ASIC2: variants seen among roughly 807,000 people sequenced by gnomAD.
ASIC2 encodes the protein acid sensing ion channel subunit 2.
In ASIC2, 25 loss-of-function variants were observed where a neutral mutation model predicts 57.3. The ratio of observed to expected loss-of-function variants is 0.44; its 90% CI spans 0.32 to 0.61. The LOEUF (loss-of-function observed/expected upper bound fraction) is 0.61. ASIC2 is among the 20% of genes least tolerant of loss of function. The pLI is 0.06. For missense variants in ASIC2, 641 were observed against 738.1 expected (o/e 0.87, Z 1.52); for synonymous variants, 319 against 307.5 (o/e 1.04, Z -0.39).
At chr17:33,786,365 C>T (rs564657474) in intron 1 of ASIC2, among the ~76,000 whole-genome samples, 5 of 151,830 alleles carry the variant, frequency 3.3e-5, no homozygotes, top group South Asian at 2.1e-4. Context: ...AAGTACAAGT[C>T]GAGATTCCCA....
intron 1 of ASIC2, among the ~76,000 whole-genome samples, chr17:33,198,987 C>T (rs1906750339): frequency 6.6e-6 from 1 of 152,164 alleles, no homozygotes; most frequent in Non-Finnish European, 1.5e-5. Context: ...ATTAAACAGC[C>T]TTCTGTAGTT....
chr17:33,999,731 G>A (rs180754863), intron 1 of ASIC2, among the ~76,000 whole-genome samples: 1 of 152,076 alleles, frequency 6.6e-6, no homozygotes, highest in East Asian at 1.9e-4. Flanking sequence ...ATAAATTGTT[G>A]TAGCTATAGT....
At chr17:33,190,748 T>C (rs1028191178) in intron 1 of ASIC2, among the ~76,000 whole-genome samples, 1 of 152,074 alleles carries the variant, frequency 6.6e-6, no homozygotes, top group Non-Finnish European at 1.5e-5. Flanking sequence ...ATTAAGGAAA[T>C]GCAAATTAAA....
chr17:33,902,022 C>T (rs917598364), intron 1 of ASIC2, among the ~76,000 whole-genome samples: 2 of 152,196 alleles, frequency 1.3e-5, no homozygotes, highest in Non-Finnish European at 1.5e-5. Flanking sequence ...AATGACATGT[C>T]CCAGACTCTC....
chr17:33,525,097 A>C (rs1438779730), intron 1 of ASIC2, among the ~76,000 whole-genome samples: 4 of 151,974 alleles, frequency 2.6e-5, no homozygotes, highest in African/African-American at 9.7e-5. Flanking sequence ...CTGTGCTCTT[A>C]TTCTTGACGT....
At chr17:33,309,127 C>CT (rs1906300333) in intron 1 of ASIC2, among the ~76,000 whole-genome samples, 1 of 152,038 alleles carries the variant, frequency 6.6e-6, no homozygotes, top group Non-Finnish European at 1.5e-5. Context: ...TTTCTCAGAT[C>CT]TTTTTTCTGC....
At chr17:33,536,318 A>G (rs1915228376) in intron 1 of ASIC2, among the ~76,000 whole-genome samples, 1 of 152,214 alleles carries the variant, frequency 6.6e-6, no homozygotes, top group African/African-American at 2.4e-5. Flanking sequence ...CTCTACCTCA[A>G]AAATAAATTC....
At chr17:33,087,660 C>T (rs1003250954) in intron 3 of ASIC2, among the ~76,000 whole-genome samples, 1 of 144,492 alleles carries the variant, frequency 6.9e-6, no homozygotes, top group Non-Finnish European at 1.5e-5. Context: ...TCAGTCAGCT[C>T]AAGTGATCCT....
rs116268352 is a variant in ASIC2 at position 33,578,746 on chromosome 17, T to C, written c.556-466679A>G. On this transcript the variant is annotated intron_variant, in intron 1 of 9. Coordinates refer to the ASIC2 transcript ENST00000359872. ...TGACAGAGGGGGCACTAATGGCTTTTCAATACAGCCCCACCTGGAAGGTGC... is the reference window on the plus strand; with the variant it reads ...TGACAGAGGGGGCACTAATGGCTTTCCAATACAGCCCCACCTGGAAGGTGC... Among the ~76,000 whole-genome samples the C allele has an allele frequency of 6.6e-3, 1,011 of 152,288 alleles. 10 individuals are homozygous for C. Among genetic ancestry groups the C allele is most frequent in the African/African-American group, 0.023 (974 of 41,546 alleles).
chr17:33,242,759 C>T (rs899169894), intron 1 of ASIC2, among the ~76,000 whole-genome samples: 2 of 152,322 alleles, frequency 1.3e-5, no homozygotes, highest in African/African-American at 2.4e-5. Context: ...CTTCTCAGTC[C>T]TCCTTACACT....
chr17:33,456,449 C>A (rs745623595), intron 1 of ASIC2, among the ~76,000 whole-genome samples: 5 of 152,138 alleles, frequency 3.3e-5, no homozygotes, highest in Non-Finnish European at 7.4e-5. Flanking sequence ...AAAATCTGCT[C>A]ATAATGACAA....
chr17:33,636,379 A>G (rs558984075), intron 1 of ASIC2, among the ~76,000 whole-genome samples: 47 of 152,166 alleles, frequency 3.1e-4, no homozygotes, highest in African/African-American at 1.1e-3. Context: ...CCTTAGGGGG[A>G]AGAAGGCAGC....
At chr17:33,542,433 C>A (rs1349749584) in intron 1 of ASIC2, among the ~76,000 whole-genome samples, 11 of 121,838 alleles carry the variant, frequency 9.0e-5, no homozygotes, top group Non-Finnish European at 1.7e-5. Flanking sequence ...TTAATGATTG[C>A]CATTCTAACT....
intron 1 of ASIC2, among the ~76,000 whole-genome samples, chr17:33,391,523 A>G (rs1457385738): frequency 6.6e-6 from 1 of 152,162 alleles, no homozygotes; most frequent in Non-Finnish European, 1.5e-5. Flanking sequence ...CCAGAGACTC[A>G]GTTCTTTGCC....
intron 1 of ASIC2, among the ~76,000 whole-genome samples, chr17:33,314,037 T>G (rs1906541757): frequency 6.6e-6 from 1 of 152,148 alleles, no homozygotes; most frequent in Non-Finnish European, 1.5e-5. Context: ...AGGTTTTGCT[T>G]CCTCTGTGGT....
At chr17:33,425,149 C>T (rs1911173974) in intron 1 of ASIC2, among the ~76,000 whole-genome samples, 1 of 152,324 alleles carries the variant, frequency 6.6e-6, no homozygotes, top group African/African-American at 2.4e-5. Flanking sequence ...AGTTACACAG[C>T]CAGTAATTAA....
At chr17:33,739,201 T>C (rs183969326) in intron 1 of ASIC2, among the ~76,000 whole-genome samples, 109 of 152,358 alleles carry the variant, frequency 7.2e-4, no homozygotes, top group African/African-American at 1.8e-3. Context: ...TAAATAGAGA[T>C]TGAAATCTGT....
chr17:33,420,942 C>T (rs528007711), intron 1 of ASIC2, among the ~76,000 whole-genome samples: 3 of 152,230 alleles, frequency 2.0e-5, no homozygotes, highest in East Asian at 1.9e-4. Context: ...GTTTGCACAA[C>T]GTCTGAGGAA....
At chr17:33,363,476 C>A (rs564645764) in intron 1 of ASIC2, among the ~76,000 whole-genome samples, 1 of 152,364 alleles carries the variant, frequency 6.6e-6, no homozygotes, top group South Asian at 2.1e-4. Context: ...ATCCTCCTCT[C>A]TGCTCCCACC....
Sources: allele counts gnomAD v4.1 joint callset (sites outside exome capture counted in the v4.1 genomes callset), GRCh38; gene constraint gnomAD v4.1.1; transcripts MANE v1.5; gene names NCBI Gene and HGNC (gene_info 2026-07-23, HGNC 2026-07-21).